The following CD247 variants were observed in gnomAD, a reference collection of about 807,000 sequenced individuals.
CD247 encodes T-cell surface glycoprotein CD3 zeta chain.
In CD247, 13 loss-of-function variants were observed where a neutral mutation model predicts 30.0. That is an observed-to-expected ratio of 0.43 (90% CI 0.28 to 0.69). The LOEUF (loss-of-function observed/expected upper bound fraction) is 0.69, where lower values mean the gene tolerates loss of function less well. Among genes scored for constraint, CD247 ranks in the 30% least tolerant of loss-of-function variants. CD247 has a pLI of 0.16. For synonymous variants in CD247, 72 were observed against 80.0 expected (o/e 0.90, Z 0.53); for missense variants, 193 against 212.6 (o/e 0.91, Z 0.57).
chr1:167,447,069 TTC>T (rs769070920), intron 1 of CD247, among the ~76,000 whole-genome samples: 2 of 150,916 alleles, frequency 1.3e-5, no homozygotes, highest in Non-Finnish European at 3.0e-5. Flanking sequence ...TGTGTAGACT[TTC>T]TGAGAACTCC....
intron 1 of CD247, 22 bp downstream of exon 1, chr1:167,518,386 G>A: frequency 6.2e-7 from 1 of 1,613,342 alleles, no homozygotes; most frequent in Non-Finnish European, 8.5e-7. Flanking sequence ...GAAGTTCCCT[G>A]CCGTCGACAC....
At chr1:167,514,492 G>T (rs1245909916) in intron 1 of CD247, among the ~76,000 whole-genome samples, 3 of 152,172 alleles carry the variant, frequency 2.0e-5, no homozygotes, top group Admixed American at 1.3e-4. Context: ...GAGCGTGACA[G>T]GGGCGTCTTT....
intron 2 of CD247, chr1:167,440,067 A>G (rs534221598): frequency 6.1e-6 from 1 of 165,056 alleles, no homozygotes; most frequent in East Asian, 1.8e-4. Context: ...GAAACTCAGT[A>G]AGATTTGGTT....
chr1:167,438,758 A>T, intron 3 of CD247, 108 bp from the exon 4 acceptor site: 172 of 799,320 alleles, frequency 2.2e-4, no homozygotes, highest in East Asian at 2.6e-4. Context: ...TCATAAAAAG[A>T]GGGGCAGGGG....
intron 1 of CD247, among the ~76,000 whole-genome samples, chr1:167,464,731 C>T (rs1293085408): frequency 6.6e-6 from 1 of 152,166 alleles, no homozygotes; most frequent in African/African-American, 2.4e-5. Context: ...GTTTTTCTAG[C>T]TCTGAAATGC....
At chr1:167,492,849 A>G (rs996816968) in intron 1 of CD247, among the ~76,000 whole-genome samples, 1 of 152,150 alleles carries the variant, frequency 6.6e-6, no homozygotes, top group Non-Finnish European at 1.5e-5. Context: ...TATAAAAGGC[A>G]TCATTCCAGG....
In CD247 at chr1:167,466,095, C is replaced by T. The variant is rs7516690; in HGVS notation, c.59-25328G>A. On this transcript the variant is annotated intron_variant, in intron 1 of 7. Coordinates refer to ENST00000362089, the MANE Select transcript of CD247 (RefSeq NM_198053.3). ...CTTCTGGTTCAGTCTGCTGACAACA[C>T]GTTAGATTTATTCTGGCATCAACTA... Among the ~76,000 whole-genome samples the T allele has an allele frequency of 7.9e-5, 12 of 152,304 alleles. No homozygotes were observed. The South Asian group carries it at 1.9e-3, about 24-fold the overall frequency.
Position 167,508,841 on chromosome 1 carries a change from A to T in CD247, c.58+9567T>A, listed in dbSNP as rs114709523. Among the ~76,000 whole-genome samples the T allele has an allele frequency of 1.9e-3, 287 of 152,316 alleles. 3 individuals carry two copies. The highest frequency in any genetic ancestry group is 6.4e-3 in the African/African-American group (265 of 41,568). On this transcript the variant is annotated intron_variant, in intron 1 of 7. Transcript: ENST00000362089. ...GAAGTGAGCCTGAAGACAAATTTAG[A>T]CTTTTTTGCAAAAATTGAGAACATG...
intron 6 of CD247, 33 bp from the exon 7 acceptor site, chr1:167,433,092 T>A (rs1179266151): frequency 1.2e-6 from 2 of 1,613,190 alleles, no homozygotes; most frequent in Admixed American, 1.7e-5. Context: ...AGAAAAGGAT[T>A]AGAAAGTCAG....
chr1:167,461,620 C>T (rs776668150), intron 1 of CD247, among the ~76,000 whole-genome samples: 4 of 152,276 alleles, frequency 2.6e-5, no homozygotes, highest in Middle Eastern at 3.4e-3. Context: ...GAGGCCCAGG[C>T]GGGCGGATCA....
chr1:167,498,904 G>A lies in CD247; in HGVS notation c.58+19504C>T, dbSNP rs961571963. On this transcript the variant is annotated intron_variant, in intron 1 of 7. Transcript: ENST00000362089. ...CAAGTGGTTGCTTTCTATGGTTTAC[G>A]GCTGTCCTCCTTGGGAAGAACCATC... Among the ~76,000 whole-genome samples, 18 of 152,134 alleles carry A rather than the reference G, an allele frequency of 1.2e-4. No homozygotes were observed. The South Asian group carries it at 1.7e-3, about 14-fold the overall frequency.
rs935891954 is a variant in CD247, at chr1:167,442,557, T to C, written c.59-1790A>G. 1.1e-4 allele frequency among the ~76,000 whole-genome samples: 16 copies of C among 152,308 alleles called. No individual in the cohort carries two copies. The East Asian group carries it at 2.9e-3, about 28-fold the overall frequency. On this transcript the variant is annotated intron_variant, in intron 1 of 7. Transcript: ENST00000362089. Reference sequence around the variant, plus strand: ...CACTCGGACACTGAGGCACCGAGTATTCGGGTTCAGAGCACACGGTCACAG... The same window carrying C: ...CACTCGGACACTGAGGCACCGAGTACTCGGGTTCAGAGCACACGGTCACAG...
chr1:167,492,304 G>A (rs1360106711), intron 1 of CD247, among the ~76,000 whole-genome samples: 2 of 152,152 alleles, frequency 1.3e-5, no homozygotes, highest in East Asian at 3.9e-4. Context: ...AGCAGGCTCA[G>A]GGGGTGCTGT....
chr1:167,480,462 A>G (rs1558018130), intron 1 of CD247, among the ~76,000 whole-genome samples: 1 of 152,094 alleles, frequency 6.6e-6, no homozygotes, highest in Non-Finnish European at 1.5e-5. Context: ...ACACCCCCAG[A>G]GCTCTCCTCC....
chr1:167,497,885 C>T (rs1222856088), intron 1 of CD247, among the ~76,000 whole-genome samples: 1 of 152,206 alleles, frequency 6.6e-6, no homozygotes, highest in Non-Finnish European at 1.5e-5. Flanking sequence ...CTCCAAGGTT[C>T]TTTACCCAGC....
chr1:167,439,551 G>T, intron 2 of CD247, 151 bp from the exon 3 acceptor site: 1 of 684,624 alleles, frequency 1.5e-6, no homozygotes, highest in Non-Finnish European at 2.6e-6. Flanking sequence ...AGCCCTTGCA[G>T]GGGCCGGGGC....
intron 1 of CD247, among the ~76,000 whole-genome samples, chr1:167,450,681 G>A (rs12730535): frequency 0.015 from 2,225 of 152,212 alleles, 31 homozygotes; most frequent in South Asian, 0.029. Flanking sequence ...TTGGAAGGCC[G>A]AGGCAGGCAG....
intron 1 of CD247, among the ~76,000 whole-genome samples, chr1:167,487,968 G>T (rs1366182213): frequency 6.6e-6 from 1 of 152,106 alleles, no homozygotes; most frequent in Non-Finnish European, 1.5e-5. Flanking sequence ...TGAACTCATG[G>T]CCTCAAGCAG....
At position 167,438,018 on chromosome 1, in the gene CD247, CAG is replaced by C. The variant is rs1301400208; in HGVS notation, c.300+550_300+551del. Among the ~76,000 whole-genome samples, 18 of 139,860 alleles carry C rather than the reference CAG, an allele frequency of 1.3e-4. 1 individual carries two copies. The East Asian group carries it at 3.3e-3, about 26-fold the overall frequency. 91.8% of individuals were successfully genotyped at this position (139,860 alleles called of 152,430 possible). A position where few individuals can be genotyped will look rare whatever the true frequency, so the allele number is the denominator to read the frequency against. ...TTTGTCAATATAAAATAAATAAAGA[CAG>C]AGGAAGGAAGGAAGGAAGGAAGGAA... On this transcript the variant is annotated intron_variant, in intron 4 of 7. Coordinates refer to ENST00000362089, the MANE Select transcript of CD247 (RefSeq NM_198053.3).
Sources: gnomAD v4.1 joint callset for allele counts (sites outside exome capture counted in the v4.1 genomes callset) on GRCh38, gnomAD v4.1.1 for gene constraint, MANE v1.5 for transcripts, NCBI Gene and HGNC (gene_info 2026-07-23, HGNC 2026-07-21) for gene names.